OPCML: variants seen among roughly 807,000 people sequenced by gnomAD.
OPCML encodes the protein opioid-binding protein/cell adhesion molecule.
Under a neutral mutation model 37.8 loss-of-function variants are expected in OPCML, and 13 were observed. The observed-to-expected ratio is 0.34, with a 90% CI of 0.22 to 0.55. The LOEUF is 0.55. Ranked by LOEUF, OPCML falls within the 20% of genes least tolerant of loss-of-function variation. OPCML has a pLI of 0.91. For synonymous variants in OPCML, 176 were observed against 168.8 expected, an observed-to-expected ratio of 1.04 and a Z score of -0.33; for missense variants, 341 against 435.6, an observed-to-expected ratio of 0.78 and a Z score of 1.93.
At chr11:133,450,079 G>A (rs904177714) in intron 1 of OPCML, among the ~76,000 whole-genome samples, 2 of 151,674 alleles carry the variant, frequency 1.3e-5, no homozygotes, top group African/African-American at 4.9e-5. Flanking sequence ...AAGAGTTGAT[G>A]CAGTTACCTT....
chr11:133,366,871 C>T (rs1944551666), intron 1 of OPCML, among the ~76,000 whole-genome samples: 1 of 152,218 alleles, frequency 6.6e-6, no homozygotes, highest in African/African-American at 2.4e-5. Flanking sequence ...ACTCAGGAGG[C>T]ACCAATAGAA....
intron 1 of OPCML, among the ~76,000 whole-genome samples, chr11:133,338,712 T>C (rs1943797003): frequency 1.3e-5 from 2 of 152,166 alleles, no homozygotes; most frequent in African/African-American, 4.8e-5. Context: ...AAATTGGAAT[T>C]TCCCCAACCA....
intron 3 of OPCML, among the ~76,000 whole-genome samples, chr11:132,612,723 G>A (rs1565711069): frequency 6.6e-6 from 1 of 152,216 alleles, no homozygotes; most frequent in Non-Finnish European, 1.5e-5. Context: ...AGGTGCTGTA[G>A]GAAATCAGGT....
chr11:133,413,528 A>G (rs1945696213), intron 1 of OPCML, among the ~76,000 whole-genome samples: 1 of 152,020 alleles, frequency 6.6e-6, no homozygotes, highest in African/African-American at 2.4e-5. Context: ...CAAAAAAAAG[A>G]AATAGAACAG....
chr11:132,833,858 G>A (rs552567204), intron 2 of OPCML, among the ~76,000 whole-genome samples: 3 of 152,308 alleles, frequency 2.0e-5, no homozygotes, highest in East Asian at 3.9e-4. Flanking sequence ...TCCAGTAAGA[G>A]CATTTAGGAT....
At chr11:133,055,178 G>T (rs1346162448) in intron 1 of OPCML, among the ~76,000 whole-genome samples, 1 of 144,554 alleles carries the variant, frequency 6.9e-6, no homozygotes, top group Non-Finnish European at 1.5e-5. Flanking sequence ...ATATAATGCT[G>T]CCTCCATGAT....
intron 2 of OPCML, among the ~76,000 whole-genome samples, chr11:132,906,904 G>A (rs1459907595): frequency 6.6e-6 from 1 of 152,292 alleles, no homozygotes; most frequent in South Asian, 2.1e-4. Context: ...GGGGATTGAA[G>A]CAAAATGCAG....
intron 3 of OPCML, among the ~76,000 whole-genome samples, chr11:132,557,532 A>G (rs2096398570): frequency 6.6e-6 from 1 of 152,206 alleles, no homozygotes; most frequent in Non-Finnish European, 1.5e-5. Flanking sequence ...ATGAAGGGCC[A>G]TGGCTCCCAT....
chr11:132,662,145 T>C lies in OPCML; in HGVS notation c.147-4826A>G, dbSNP rs76345456. ...CTTAAAGCAGTGGTTTTCAACCTTT[T>C]CTGTGCATCAAAAACAGATTGCTGA... On this transcript the variant is annotated intron_variant, in intron 2 of 7. Transcript: ENST00000524381. Among the ~76,000 whole-genome samples, 1,221 of 152,270 alleles carry C rather than the reference T, an allele frequency of 8.0e-3. 24 individuals carry two copies. Among genetic ancestry groups the C allele is most frequent in the African/African-American group, 0.028 (1,170 of 41,542 alleles).
chr11:132,476,732 C>G (rs2096157413), intron 4 of OPCML, among the ~76,000 whole-genome samples: 1 of 151,394 alleles, frequency 6.6e-6, no homozygotes, highest in East Asian at 1.9e-4. Flanking sequence ...CGAGATATAC[C>G]AAATGCTAAA....
chr11:133,042,402 G>T (rs538611149), intron 1 of OPCML, among the ~76,000 whole-genome samples: 3 of 152,312 alleles, frequency 2.0e-5, no homozygotes, highest in African/African-American at 4.8e-5. Context: ...CTCAGTCTTT[G>T]GACAGTTCTG....
intron 1 of OPCML, among the ~76,000 whole-genome samples, chr11:133,503,998 G>T (rs114688022): frequency 6.6e-6 from 1 of 152,142 alleles, no homozygotes; most frequent in Non-Finnish European, 1.5e-5. Flanking sequence ...AGACAAGCAC[G>T]GGCCAAGACG....
chr11:133,031,369 A>AGGTG lies in OPCML; in HGVS notation c.62-88363_62-88360dup, dbSNP rs1271874813. On this transcript the variant is annotated intron_variant, in intron 1 of 7. Coordinates refer to ENST00000524381, the MANE Select transcript of OPCML (RefSeq NM_001012393.5). ...TGAATGGGTGGATAGATGAATGAGT[A>AGGTG]GGTGGATGGATGGATGGATGGTTGG... is the stretch of plus-strand genomic sequence containing the variant. Among the ~76,000 whole-genome samples, 4 of 132,760 alleles carry AGGTG rather than the reference A, an allele frequency of 3.0e-5. No individual in the cohort carries two copies. In the East Asian group the frequency reaches 8.7e-4, roughly 29 times the overall value. The allele number at this position is 132,760 out of a possible 152,430, so 87.1% of individuals were successfully genotyped here.
intron 2 of OPCML, among the ~76,000 whole-genome samples, chr11:132,800,046 A>G (rs1314323171): frequency 6.6e-6 from 1 of 152,214 alleles, no homozygotes; most frequent in Non-Finnish European, 1.5e-5. Flanking sequence ...TAAGTCTTTC[A>G]TTATATGAAC....
At chr11:132,805,569 C>T (rs762870909) in intron 2 of OPCML, among the ~76,000 whole-genome samples, 1 of 152,170 alleles carries the variant, frequency 6.6e-6, no homozygotes, top group Non-Finnish European at 1.5e-5. Context: ...AATAGCAACA[C>T]TCTGACTTCT....
chr11:133,395,735 T>G (rs1945270782), intron 1 of OPCML, among the ~76,000 whole-genome samples: 1 of 152,208 alleles, frequency 6.6e-6, no homozygotes. Flanking sequence ...TCTGTTCCAT[T>G]GGTCTATGTA....
At chr11:133,410,581 G>GT (rs71477794) in intron 1 of OPCML, among the ~76,000 whole-genome samples, 2 of 131,282 alleles carry the variant, frequency 1.5e-5, no homozygotes, top group Non-Finnish European at 3.1e-5. Context: ...AAGTTGTGGG[G>GT]TTTTTGTTGC....
intron 4 of OPCML, among the ~76,000 whole-genome samples, chr11:132,525,231 A>G (rs61906364): frequency 0.076 from 11,608 of 152,216 alleles, 830 homozygotes; most frequent in African/African-American, 0.19. Context: ...GGATTTATTT[A>G]TTCATTTATT....
At chr11:132,977,546 T>C (rs1194878886) in intron 1 of OPCML, among the ~76,000 whole-genome samples, 1 of 152,248 alleles carries the variant, frequency 6.6e-6, no homozygotes, top group Non-Finnish European at 1.5e-5. Context: ...GTGGCTCATG[T>C]GGCCATATTT....
Sources: allele counts gnomAD v4.1 joint callset (sites outside exome capture counted in the v4.1 genomes callset), GRCh38; gene constraint gnomAD v4.1.1; transcripts MANE v1.5; gene names NCBI Gene and HGNC (gene_info 2026-07-23, HGNC 2026-07-21).